WIF1: variants seen among roughly 807,000 people sequenced by gnomAD.
WIF1 encodes the protein Wnt inhibitory factor 1.
In WIF1, 35 loss-of-function variants were observed where a neutral mutation model predicts 53.5. The observed-to-expected ratio is 0.65, with a 90% CI of 0.50 to 0.87. The LOEUF is 0.87. Among genes scored for constraint, WIF1 ranks in the 40% least tolerant of loss-of-function variants. WIF1 has a pLI of 0.00. For missense variants in WIF1, 467 were observed against 476.8 expected (o/e 0.98, Z 0.19); for synonymous variants, 171 against 170.4 (o/e 1.00, Z -0.03).
chr12:65,067,548 G>A, intron 5 of WIF1, 147 bp downstream of exon 5: 1 of 721,916 alleles, frequency 1.4e-6, no homozygotes, highest in African/African-American at 1.8e-5. Context: ...AATGGCCACA[G>A]AAAGTGATGG....
At chr12:65,100,080 T>C (rs1439686152) in intron 2 of WIF1, among the ~76,000 whole-genome samples, 1 of 152,194 alleles carries the variant, frequency 6.6e-6, no homozygotes, top group Non-Finnish European at 1.5e-5. Context: ...AAGAAACTCA[T>C]AAAAATATTT....
chr12:65,084,886 A>T (rs1289048942), intron 2 of WIF1, among the ~76,000 whole-genome samples: 1 of 152,194 alleles, frequency 6.6e-6, no homozygotes, highest in East Asian at 1.9e-4. Flanking sequence ...GTGGTCAGTC[A>T]TTGCAGCCCA....
Position 65,114,163 on chromosome 12 carries a change from C to T in WIF1, c.288+6254G>A, listed in dbSNP as rs188933631. Among the ~76,000 whole-genome samples, 273 of 132,114 alleles carry T rather than the reference C, an allele frequency of 2.1e-3. 1 individual carries two copies. Among genetic ancestry groups the T allele is most frequent in the African/African-American group, 6.6e-3 (264 of 40,012 alleles). The allele number at this position is 132,114 out of a possible 152,430, so 86.7% of individuals were successfully genotyped here. A position where few individuals can be genotyped will look rare whatever the true frequency, so the allele number is the denominator to read the frequency against. On this transcript the variant is annotated intron_variant, in intron 2 of 9. Coordinates refer to ENST00000286574, the MANE Select transcript of WIF1 (RefSeq NM_007191.5). ...GAGGGAATTCTTGAATTAAAATTTA[C>T]CCTATTTTTTTTATTTTTTTTTGGT...
chr12:65,052,805 G>C (rs994085975), intron 9 of WIF1, among the ~76,000 whole-genome samples: 1 of 152,166 alleles, frequency 6.6e-6, no homozygotes, highest in African/African-American at 2.4e-5. Flanking sequence ...GAGGCTGGCA[G>C]ACCTGTCAGG....
At chr12:65,112,964 T>G (rs1402893602) in intron 2 of WIF1, among the ~76,000 whole-genome samples, 1 of 152,194 alleles carries the variant, frequency 6.6e-6, no homozygotes, top group East Asian at 1.9e-4. Flanking sequence ...AATCCTGTAC[T>G]TCCTAACCTC....
At position 65,062,497 on chromosome 12, in the gene WIF1, T is replaced by C; in HGVS notation, c.810A>G (p.Gly270=). The change falls in exon 7 of 10, where the codon GGA becomes GGG. Residue 270 remains glycine (G), a synonymous_variant. Coordinates refer to ENST00000286574, the MANE Select transcript of WIF1 (RefSeq NM_007191.5). ...GKCICPPGLE[G]EQCEISKCPQ... is the part of the protein sequence containing the mutation. ...AATACTCACTGATTTCACACTGCTC[T>C]CCCTCTAGTCCTGGAGGGCAAATAC... 3 of 1,606,684 alleles carry C rather than the reference T, an allele frequency of 1.9e-6. No homozygotes were observed. Among genetic ancestry groups the C allele is most frequent in the Non-Finnish European group, 2.6e-6 (3 of 1,175,754 alleles).
At chr12:65,082,119 T>C (rs1451606638) in intron 2 of WIF1, among the ~76,000 whole-genome samples, 1 of 152,130 alleles carries the variant, frequency 6.6e-6, no homozygotes, top group East Asian at 1.9e-4. Context: ...ATTTACGCCA[T>C]ACTCTAACTT....
chr12:65,087,622 T>TA (rs1241376371), intron 2 of WIF1, among the ~76,000 whole-genome samples: 8 of 151,778 alleles, frequency 5.3e-5, no homozygotes, highest in Non-Finnish European at 1.0e-4. Flanking sequence ...TTCTTTGATT[T>TA]AAAAAAAAGG....
chr12:65,102,101 G>C (rs1883290476), intron 2 of WIF1, among the ~76,000 whole-genome samples: 2 of 152,188 alleles, frequency 1.3e-5, no homozygotes, highest in Admixed American at 6.5e-5. Context: ...TTAAGAAACT[G>C]AGGCCCTCAA....
At position 65,068,796 on chromosome 12, in the gene WIF1, T is replaced by C. The variant is rs1882728086; in HGVS notation, c.506A>G (p.Gln169Arg). The change falls in exon 4 of 10, where the codon CAA (glutamine) becomes CGA (arginine). Residue 169 changes from glutamine to arginine, a missense_variant. By Grantham distance (43) the Gln-to-Arg change is conservative. Transcript: ENST00000286574. ...ACATGTTTTAAAGAAGATAGCATTT[T>C]GAGGTGTTTGGAGAATGGTGTTGCC... is the stretch of plus-strand genomic sequence containing the variant. ...SEGNTILQTP[Q>R]NAIFFKTCQQ... 4.3e-6 allele frequency: 7 copies of C among 1,613,690 alleles called. No individual in the cohort carries two copies. The highest frequency in any genetic ancestry group is 5.1e-6 in the Non-Finnish European group (6 of 1,179,696).
chr12:65,114,896 C>T (rs1185601065), intron 2 of WIF1, among the ~76,000 whole-genome samples: 2 of 152,138 alleles, frequency 1.3e-5, no homozygotes, highest in Non-Finnish European at 2.9e-5. Flanking sequence ...AGGTACCCCA[C>T]TGACTTTTAG....
At chr12:65,058,644 AAATATCTTT>A (rs1256852972) in intron 7 of WIF1, among the ~76,000 whole-genome samples, 1 of 152,236 alleles carries the variant, frequency 6.6e-6, no homozygotes, top group Non-Finnish European at 1.5e-5. Flanking sequence ...AATACTGGAA[AAATATCTTT>A]AATAGGAATT....
intron 3 of WIF1, among the ~76,000 whole-genome samples, chr12:65,073,487 G>A (rs1366382009): frequency 2.0e-5 from 3 of 152,120 alleles, no homozygotes; most frequent in African/African-American, 4.8e-5. Context: ...TAATTTTATT[G>A]AACCACCCTG....
chr12:65,052,263 G>A (rs1882452279), intron 9 of WIF1, among the ~76,000 whole-genome samples: 3 of 152,190 alleles, frequency 2.0e-5, no homozygotes, highest in Non-Finnish European at 4.4e-5. Flanking sequence ...GTTTTTAAAT[G>A]CAAACATGCC....
chr12:65,074,833 A>AAAG (rs1298998270), intron 3 of WIF1, among the ~76,000 whole-genome samples: 1 of 142,486 alleles, frequency 7.0e-6, no homozygotes, highest in Non-Finnish European at 1.6e-5. Context: ...AAAAAAAAAA[A>AAAG]AAAAAGAAAA....
At chr12:65,109,811 C>T (rs933044160) in intron 2 of WIF1, among the ~76,000 whole-genome samples, 4 of 152,152 alleles carry the variant, frequency 2.6e-5, no homozygotes, top group Admixed American at 2.0e-4. Flanking sequence ...TAAGAAATGC[C>T]TGTCTCAGGG....
intron 2 of WIF1, among the ~76,000 whole-genome samples, chr12:65,115,902 C>G (rs1592406837): frequency 6.6e-6 from 1 of 152,212 alleles, no homozygotes; most frequent in Non-Finnish European, 1.5e-5. Flanking sequence ...GTTACGATGA[C>G]CCATGAAAAT....
At chr12:65,105,356 T>C (rs1883337610) in intron 2 of WIF1, among the ~76,000 whole-genome samples, 1 of 152,164 alleles carries the variant, frequency 6.6e-6, no homozygotes, top group African/African-American at 2.4e-5. Flanking sequence ...GAACTTAACA[T>C]TGGTGTACTT....
At chr12:65,090,071 C>T (rs11612023) in intron 2 of WIF1, among the ~76,000 whole-genome samples, 30,762 of 152,116 alleles carry the variant, frequency 0.2, 3,345 homozygotes, top group Admixed American at 0.25. Flanking sequence ...TTCAATGAAA[C>T]AGAAGTTCAA....
Sources: gnomAD v4.1 joint callset for allele counts (sites outside exome capture counted in the v4.1 genomes callset) on GRCh38, gnomAD v4.1.1 for gene constraint, MANE v1.5 for transcripts, NCBI Gene and HGNC (gene_info 2026-07-23, HGNC 2026-07-21) for gene names.